The following URB1 variants were observed in gnomAD, a reference collection of about 807,000 sequenced individuals.
URB1 encodes the protein URB1 ribosome biogenesis factor.
In URB1, 197 loss-of-function variants were observed where a neutral mutation model predicts 242.3. The ratio of observed to expected loss-of-function variants is 0.81; its 90% CI spans 0.72 to 0.91. URB1 has a LOEUF of 0.91. Among genes scored for constraint, URB1 ranks in the 40% least tolerant of loss-of-function variants. URB1 has a pLI of 0.00. For synonymous variants in URB1, 1,153 were observed against 1,201.8 expected, an observed-to-expected ratio of 0.96 and a Z score of 0.84; for missense variants, 2,721 against 2,860.5, an observed-to-expected ratio of 0.95 and a Z score of 1.11.
intron 36 of URB1, 62 bp downstream of exon 36, chr21:32,319,155 G>A (rs2032730145): frequency 1.4e-6 from 2 of 1,475,120 alleles, no homozygotes; most frequent in South Asian, 1.3e-5. Context: ...GTGTCCACAG[G>A]TGGCAGACCA....
chr21:32,314,589 T>G lies in URB1; in HGVS notation c.*329A>C, dbSNP rs374776513. The stretch of plus-strand genomic sequence containing the variant: ...GAATCTCTTCTGCATTCAGAAGTGC[T>G]GCCTCAAACTCGAGCTATTTCCTGT... On this transcript the variant is annotated 3_prime_UTR_variant, in exon 39 of 39. Coordinates refer to ENST00000382751, the MANE Select transcript of URB1 (RefSeq NM_014825.3). The G allele has an allele frequency of 2.5e-6, 4 of 1,614,144 alleles. No individual in the cohort carries two copies. The African/African-American group carries it at 5.3e-5, about 22-fold the overall frequency.
In URB1 at chr21:32,316,662, C is replaced by T. The variant is rs1313933058; in HGVS notation, c.6438G>A (p.Arg2146=). 3.7e-5 allele frequency: 57 copies of T among 1,551,348 alleles called. No individual in the cohort carries two copies. The Middle Eastern group carries it at 1.5e-3, about 41-fold the overall frequency. The change falls in exon 38 of 39, where the codon AGG becomes AGA. Residue 2146 remains arginine, a synonymous_variant. Coordinates refer to ENST00000382751, the MANE Select transcript of URB1 (RefSeq NM_014825.3). ...GGCTATACAGCCTGAATATGCTGCT[C>T]CTCACGGCACTGTCCTTAAGGAGGT... is the stretch of plus-strand genomic sequence containing the variant. ...VADLLKDSAV[R]SSIFRLYSRL...
intron 1 of URB1, among the ~76,000 whole-genome samples, chr21:32,390,451 T>C (rs2033625470): frequency 6.7e-6 from 1 of 149,630 alleles, no homozygotes; most frequent in Non-Finnish European, 1.5e-5. Context: ...TCATATCCTT[T>C]GCCCACTTTT....
At chr21:32,325,082 A>T (rs1024106546) in intron 31 of URB1, 147 bp downstream of exon 31, 2 of 1,073,282 alleles carry the variant, frequency 1.9e-6, no homozygotes, top group Non-Finnish European at 2.6e-6. Flanking sequence ...CTAAGGGAAC[A>T]GACTTTTGCT....
At chr21:32,381,090 A>C (rs2033518974) in intron 4 of URB1, among the ~76,000 whole-genome samples, 1 of 152,228 alleles carries the variant, frequency 6.6e-6, no homozygotes, top group South Asian at 2.1e-4. Flanking sequence ...TCTAGGCTCT[A>C]GGCTCTGCCA....
intron 8 of URB1, among the ~76,000 whole-genome samples, chr21:32,371,963 TA>T (rs939375048): frequency 2.5e-4 from 36 of 146,790 alleles, no homozygotes; most frequent in Admixed American, 5.5e-4. Flanking sequence ...AACAAAATGT[TA>T]AAAAAAAAAA....
At position 32,325,216 on chromosome 21, in the gene URB1, T is replaced by C. The variant is rs981679822; in HGVS notation, c.5121+13A>G. On this transcript the variant is annotated intron_variant, in intron 31 of 38. Transcript: ENST00000382751. ...CCCACCCCCACAGTAGGATGTACGCTCTTCCTACTTACCTGGGACTGCTCT... is the reference window on the plus strand; with the variant it reads ...CCCACCCCCACAGTAGGATGTACGCCCTTCCTACTTACCTGGGACTGCTCT... 4 of 1,546,880 alleles carry C rather than the reference T, an allele frequency of 2.6e-6. No individual in the cohort carries two copies. The highest frequency in any genetic ancestry group is 3.5e-6 in the Non-Finnish European group (4 of 1,143,594).
At chr21:32,380,155 A>G (rs1458697429) in intron 4 of URB1, among the ~76,000 whole-genome samples, 1 of 152,222 alleles carries the variant, frequency 6.6e-6, no homozygotes. Context: ...TGCAAGGACC[A>G]TACTTGGCAT....
Position 32,354,767 on chromosome 21 carries a change from G to A in URB1, c.2245+92C>T, listed in dbSNP as rs140257940. 30 of 1,463,832 alleles carry A rather than the reference G, an allele frequency of 2.0e-5. No individual in the cohort carries two copies. The Middle Eastern group carries it at 1.2e-3, about 59-fold the overall frequency. 90.7% of individuals were successfully genotyped at this position (1,463,832 alleles called of 1,614,324 possible). ...AGGGACTGTGTGCACTTGGCCTAGG[G>A]CATTAGTGCAGTTCTTGTTCTCAAT... On this transcript the variant is annotated intron_variant, in intron 17 of 38. Coordinates refer to ENST00000382751, the MANE Select transcript of URB1 (RefSeq NM_014825.3).
intron 21 of URB1, among the ~76,000 whole-genome samples, chr21:32,348,091 C>A (rs1287681786): frequency 1.3e-5 from 2 of 152,190 alleles, no homozygotes; most frequent in African/African-American, 4.8e-5. Context: ...GGTGCCCCAC[C>A]CACATTTGCG....
Position 32,391,469 on chromosome 21 carries a change from T to C in URB1, c.142+1300A>G, listed in dbSNP as rs111640206. Among the ~76,000 whole-genome samples, 325 of 152,182 alleles carry C rather than the reference T, an allele frequency of 2.1e-3. 1 individual carries two copies. The highest frequency in any genetic ancestry group is 3.6e-3 in the Non-Finnish European group (245 of 68,012). ...TAAACACCCTCAGGCACCATGTACC[T>C]CTCCTTTGGAAAACTCGTGCTTGAA... is the stretch of plus-strand genomic sequence containing the variant. On this transcript the variant is annotated intron_variant, in intron 1 of 38. Transcript: ENST00000382751.
chr21:32,333,944 G>A (rs1454144767), intron 29 of URB1, among the ~76,000 whole-genome samples: 1 of 152,198 alleles, frequency 6.6e-6, no homozygotes, highest in Non-Finnish European at 1.5e-5. Context: ...TTGGGGGCAG[G>A]GGAACAGAGT....
chr21:32,349,146 T>A (rs73903307), intron 21 of URB1, among the ~76,000 whole-genome samples, 158 bp downstream of exon 21: 1 of 152,202 alleles, frequency 6.6e-6, no homozygotes, highest in Non-Finnish European at 1.5e-5. Context: ...TTAAACCGCA[T>A]GCTGGGCGGG....
Position 32,320,540 on chromosome 21 carries a change from A to G in URB1, c.5585T>C (p.Leu1862Pro). Residue 1862 changes from leucine to proline, a missense_variant, in exon 35 of 39, where the codon CTT becomes CCT. Transcript: ENST00000382751. Reference sequence around the variant, plus strand: ...TGCAAAAGGTACTTACTTGCTTTCAAGGATGTGTAAAATCCATGTTAAAAG... The same window carrying G: ...TGCAAAAGGTACTTACTTGCTTTCAGGGATGTGTAAAATCCATGTTAAAAG... The part of the protein sequence containing the change: ...YSLLTWILHI[L>P]ESKFLETPLL... 6.4e-7 allele frequency: 1 copy of G among 1,551,304 alleles called. No individual in the cohort carries two copies. Among genetic ancestry groups the G allele is most frequent in the Non-Finnish European group, 8.7e-7 (1 of 1,146,456 alleles).
At chr21:32,334,550 G>T (rs1000724195) in intron 28 of URB1, among the ~76,000 whole-genome samples, 1 of 152,184 alleles carries the variant, frequency 6.6e-6, no homozygotes, top group South Asian at 2.1e-4. Flanking sequence ...CAGTGATGAC[G>T]ACAGAAGCTG....
intron 1 of URB1, among the ~76,000 whole-genome samples, chr21:32,389,702 G>A (rs1404219122): frequency 6.6e-6 from 1 of 152,238 alleles, no homozygotes; most frequent in Admixed American, 6.5e-5. Flanking sequence ...GCAATGTGGG[G>A]AGAAGGAGAT....
chr21:32,337,095 T>C lies in URB1; in HGVS notation c.4684A>G (p.Arg1562Gly). 2 of 1,551,852 alleles carry C rather than the reference T, an allele frequency of 1.3e-6. No individual in the cohort carries two copies. Among genetic ancestry groups the C allele is most frequent in the Admixed American group, 2.0e-5 (1 of 51,006 alleles). The change falls in exon 28 of 39, where the codon AGG (arginine) becomes GGG (glycine). Residue 1562 changes from arginine to glycine, a missense_variant and splice_region_variant. Transcript: ENST00000382751. ...GTCTACCTCTAGCCCAACACTCACCTGAAGTTGATGAGGCTGAGCTTGTTC... is the reference window on the plus strand; with the variant it reads ...GTCTACCTCTAGCCCAACACTCACCCGAAGTTGATGAGGCTGAGCTTGTTC... The part of the protein sequence containing the change: ...EQNKLSLINF[R>G]VLLWGPAAVE...
In URB1 at chr21:32,311,892, C is replaced by A. The variant is rs1420294280; in HGVS notation, c.*3026G>T. On this transcript the variant is annotated 3_prime_UTR_variant, in exon 39 of 39. Transcript: ENST00000382751. ...CTTGCCCCTCGGGGGTTTCCAGACC[C>A]ACCCCACTCTCCTCTGGGAACTGAC... 1 of 1,614,020 alleles carries A rather than the reference C, an allele frequency of 6.2e-7. No individual in the cohort carries two copies.
At chr21:32,377,463 C>G (rs1418503718) in intron 5 of URB1, 4 of 341,602 alleles carry the variant, frequency 1.2e-5, no homozygotes, top group Middle Eastern at 3.8e-4. Flanking sequence ...AAATGGCCCA[C>G]GGGAATTTGA....
Sources: allele counts gnomAD v4.1 joint callset (sites outside exome capture counted in the v4.1 genomes callset), GRCh38; gene constraint gnomAD v4.1.1; transcripts MANE v1.5; gene names NCBI Gene and HGNC (gene_info 2026-07-23, HGNC 2026-07-21).